The following SLC39A11 variants were observed in gnomAD, a reference collection of about 807,000 sequenced individuals.
SLC39A11 encodes solute carrier family 39 member 11, also known as zinc transporter ZIP11.
SLC39A11 carries 33 observed loss-of-function variants against 36.1 expected under a neutral mutation model. The observed-to-expected ratio is 0.91, with a 90% confidence interval of 0.69 to 1.22. The LOEUF is 1.22. SLC39A11 is among the 50% of genes most tolerant of loss of function. The pLI, the probability that SLC39A11 is intolerant of heterozygous loss-of-function variation, is 0.00. For missense variants in SLC39A11, 432 were observed against 430.3 expected (o/e 1.00, Z -0.03); for synonymous variants, 166 against 170.3 (o/e 0.97, Z 0.20).
intron 5 of SLC39A11, among the ~76,000 whole-genome samples, chr17:72,896,880 C>G (rs1397631203): frequency 2.0e-5 from 3 of 151,280 alleles, no homozygotes. Flanking sequence ...TGGAGAAACC[C>G]CATCTCTACT....
Position 73,004,807 on chromosome 17 carries a change from G to T in SLC39A11, c.306+26749C>A, listed in dbSNP as rs565985498. ...CTGTGGTCCTAGGGCACGATGTTAT[G>T]GGCAGAGCTTTCTGGCCCATTCCCT... On this transcript the variant is annotated intron_variant, in intron 4 of 9. Coordinates refer to ENST00000255559, the MANE Select transcript of SLC39A11 (RefSeq NM_139177.4). Among the ~76,000 whole-genome samples the T allele has an allele frequency of 2.2e-4, 33 of 152,282 alleles. 1 individual carries two copies. Among genetic ancestry groups the T allele is most frequent in the African/African-American group, 7.2e-4 (30 of 41,556 alleles).
intron 5 of SLC39A11, among the ~76,000 whole-genome samples, chr17:72,873,375 C>T (rs1298054083): frequency 6.6e-6 from 1 of 152,182 alleles, no homozygotes; most frequent in Non-Finnish European, 1.5e-5. Context: ...TTTCCTAGCC[C>T]TCTGCCTGCT....
chr17:72,795,450 G>C (rs773454768), intron 6 of SLC39A11, among the ~76,000 whole-genome samples: 1 of 152,154 alleles, frequency 6.6e-6, no homozygotes, highest in Non-Finnish European at 1.5e-5. Flanking sequence ...GAGTGCAAGA[G>C]AGCAAGACAG....
intron 5 of SLC39A11, among the ~76,000 whole-genome samples, chr17:72,890,538 G>T (rs974400319): frequency 1.3e-5 from 2 of 152,120 alleles, no homozygotes; most frequent in African/African-American, 4.8e-5. Context: ...ACTCTTCTGG[G>T]TATAAGTAAT....
chr17:73,042,877 C>G (rs1196482283), intron 3 of SLC39A11, among the ~76,000 whole-genome samples: 2 of 152,114 alleles, frequency 1.3e-5, no homozygotes, highest in African/African-American at 4.8e-5. Flanking sequence ...AAGTTGTTCT[C>G]CAAATCAGAT....
intron 3 of SLC39A11, among the ~76,000 whole-genome samples, chr17:73,062,613 T>TC (rs74660016): frequency 0.3 from 45,021 of 151,956 alleles, 7,729 homozygotes; most frequent in East Asian, 0.86. Context: ...ATAGAAACTT[T>TC]CCATGTAGAA....
At chr17:72,769,568 T>C (rs1282145500) in intron 6 of SLC39A11, among the ~76,000 whole-genome samples, 2 of 151,824 alleles carry the variant, frequency 1.3e-5, no homozygotes, top group African/African-American at 4.8e-5. Context: ...TTTTTTGAGA[T>C]GGAGTTTCGC....
At chr17:72,783,936 T>C (rs2076410820) in intron 6 of SLC39A11, among the ~76,000 whole-genome samples, 1 of 152,056 alleles carries the variant, frequency 6.6e-6, no homozygotes. Context: ...GGCATGGCTG[T>C]CCCATGGTCA....
At chr17:72,852,065 G>A (rs1197010078) in intron 5 of SLC39A11, among the ~76,000 whole-genome samples, 1 of 151,406 alleles carries the variant, frequency 6.6e-6, no homozygotes, top group East Asian at 1.9e-4. Flanking sequence ...ACTGGGCGTG[G>A]TGGCAGGCGC....
intron 6 of SLC39A11, among the ~76,000 whole-genome samples, chr17:72,744,696 G>C (rs1395001060): frequency 1.3e-5 from 2 of 152,102 alleles, no homozygotes; most frequent in Non-Finnish European, 2.9e-5. Context: ...TCATATGATA[G>C]GAAGGGTGAG....
At chr17:73,033,655 T>C (rs1314743378) in intron 3 of SLC39A11, among the ~76,000 whole-genome samples, 3 of 152,180 alleles carry the variant, frequency 2.0e-5, no homozygotes, top group Admixed American at 2.0e-4. Flanking sequence ...TGCTATGACA[T>C]CTTTTGGCTA....
At chr17:73,026,430 G>A (rs891557341) in intron 4 of SLC39A11, among the ~76,000 whole-genome samples, 5 of 148,192 alleles carry the variant, frequency 3.4e-5, no homozygotes, top group Admixed American at 6.7e-5. Flanking sequence ...CAGGAGAATC[G>A]CCTGAACCCG....
rs2078644187 is a variant in SLC39A11 at position 72,838,069 on chromosome 17, A to G, written c.601+11565T>C. On this transcript the variant is annotated intron_variant, in intron 6 of 9. Transcript: ENST00000255559. ...GAGGCTGAAGCAGGAGGTTCTCTTG[A>G]GGCCAGCAGTTCGAGGCCACCCTGG... is the stretch of plus-strand genomic sequence containing the variant. The G allele has an allele frequency of 3.8e-6, 4 of 1,041,342 alleles. No individual in the cohort carries two copies. The East Asian group carries it at 1.3e-4, about 34-fold the overall frequency. The allele number at this position is 1,041,342 out of a possible 1,614,324, so 64.5% of individuals were successfully genotyped here. A position where few individuals can be genotyped will look rare whatever the true frequency, so the allele number is the denominator to read the frequency against.
At chr17:72,969,604 C>T (rs1240194633) in intron 4 of SLC39A11, among the ~76,000 whole-genome samples, 2 of 33,318 alleles carry the variant, frequency 6.0e-5, no homozygotes, top group Admixed American at 6.8e-4. Flanking sequence ...CCCCTTTTCC[C>T]CATCTTTCTC....
intron 5 of SLC39A11, among the ~76,000 whole-genome samples, chr17:72,876,881 A>G (rs555877269): frequency 1.3e-5 from 2 of 152,306 alleles, no homozygotes; most frequent in Admixed American, 1.3e-4. Context: ...AGCAAGCAAC[A>G]AGACCTAGAC....
chr17:72,675,188 G>A (rs982193508), intron 7 of SLC39A11, among the ~76,000 whole-genome samples: 3 of 152,178 alleles, frequency 2.0e-5, no homozygotes, highest in Non-Finnish European at 2.9e-5. Context: ...GATTGTGATG[G>A]TATTAGGAGC....
At chr17:72,837,892 A>C in intron 6 of SLC39A11, 2 of 1,157,414 alleles carry the variant, frequency 1.7e-6, no homozygotes, top group Non-Finnish European at 2.2e-6. Flanking sequence ...GGAGGGAGGA[A>C]TGGGGAGTGA....
chr17:72,822,149 A>C (rs1229453663), intron 6 of SLC39A11: 1 of 151,110 alleles, frequency 6.6e-6, no homozygotes, highest in African/African-American at 2.4e-5. Flanking sequence ...TGTCTTTGTC[A>C]GAGTAGGAGA....
At chr17:72,728,121 G>A in intron 7 of SLC39A11, among the ~76,000 whole-genome samples, 1 of 152,174 alleles carries the variant, frequency 6.6e-6, no homozygotes, top group African/African-American at 2.4e-5. Context: ...CAGGGATTGT[G>A]TCCACTAAAG....
Sources: allele counts gnomAD v4.1 joint callset (sites outside exome capture counted in the v4.1 genomes callset), GRCh38; gene constraint gnomAD v4.1.1; transcripts MANE v1.5; gene names NCBI Gene and HGNC (gene_info 2026-07-23, HGNC 2026-07-21).